FNBP1: variants seen among roughly 807,000 people sequenced by gnomAD.
FNBP1 encodes formin binding protein 1.
A neutral mutation model predicts 90.6 loss-of-function variants in FNBP1; 26 were observed. The observed-to-expected ratio is 0.29, with a 90% confidence interval of 0.21 to 0.40. The LOEUF (loss-of-function observed/expected upper bound fraction) is 0.40, where lower values mean the gene tolerates loss of function less well. Among genes scored for constraint, FNBP1 ranks in the 10% least tolerant of loss-of-function variants. The pLI, the probability that FNBP1 is intolerant of heterozygous loss-of-function variation, is 1.00. For missense variants in FNBP1, 635 were observed against 768.0 expected (o/e 0.83, Z 2.05); for synonymous variants, 260 against 265.2 (o/e 0.98, Z 0.19).
In FNBP1 at chr9:129,887,566, A is replaced by C. The variant is rs1292410924; in HGVS notation, c.*2973T>G. On this transcript the variant is annotated 3_prime_UTR_variant, in exon 17 of 17. Coordinates refer to ENST00000446176, the MANE Select transcript of FNBP1 (RefSeq NM_015033.3). ...ACTTTCTTCTGCAATGACGGATGTT[A>C]CCAAAAGGCATCGAGACCTTTGCGC... 2 of 213,766 alleles carry C rather than the reference A, an allele frequency of 9.4e-6. No homozygotes were observed. The highest frequency in any genetic ancestry group is 1.4e-4 in the East Asian group (2 of 14,358). The allele number at this position is 213,766 out of a possible 1,614,324, so 13.2% of individuals were successfully genotyped here. A position where few individuals can be genotyped will look rare whatever the true frequency, so the allele number is the denominator to read the frequency against.
In FNBP1 at chr9:129,889,081, CGG is replaced by C. The variant is rs753987401; in HGVS notation, c.*1456_*1457del. ...GGGGCTGCTCTGCTCTAAGGCGTGG[CGG>C]GGGGGGGGGGTGGTGGCCACAGATT... On this transcript the variant is annotated 3_prime_UTR_variant, in exon 17 of 17. Coordinates refer to ENST00000446176, the MANE Select transcript of FNBP1 (RefSeq NM_015033.3). 11,615 of 40,582 alleles carry C rather than the reference CGG, an allele frequency of 0.29. 1,238 individuals are homozygous for C. The highest frequency in any genetic ancestry group is 0.48 in the African/African-American group (8,827 of 18,572). 2.5% of individuals were successfully genotyped at this position (40,582 alleles called of 1,614,324 possible).
intron 4 of FNBP1, among the ~76,000 whole-genome samples, chr9:129,962,474 C>T (rs2047977123): frequency 6.6e-6 from 1 of 152,174 alleles, no homozygotes; most frequent in Non-Finnish European, 1.5e-5. Flanking sequence ...CTAGGTAGAG[C>T]CTCGGAGCTT....
At chr9:129,935,664 T>C (rs1564373064) in intron 6 of FNBP1, among the ~76,000 whole-genome samples, 1 of 152,030 alleles carries the variant, frequency 6.6e-6, no homozygotes. Context: ...ATTTTTTGTA[T>C]TTTTAGTAGA....
intron 6 of FNBP1, among the ~76,000 whole-genome samples, chr9:129,951,717 T>A (rs576444619): frequency 3.0e-4 from 46 of 151,614 alleles, no homozygotes; most frequent in African/African-American, 1.1e-3. Context: ...AGGGCTGGGA[T>A]TACAGGCATG....
chr9:129,931,335 G>T (rs2042703314), intron 6 of FNBP1, among the ~76,000 whole-genome samples: 1 of 151,936 alleles, frequency 6.6e-6, no homozygotes, highest in South Asian at 2.1e-4. Context: ...TGGGCGCGGT[G>T]GCTCACGCCT....
chr9:130,020,340 G>A (rs1483032444), intron 1 of FNBP1, among the ~76,000 whole-genome samples: 2 of 152,074 alleles, frequency 1.3e-5, no homozygotes, highest in Admixed American at 1.3e-4. Flanking sequence ...CTCCCAAGTA[G>A]CTGGGATTAC....
At chr9:129,961,638 GT>G (rs1489861035) in intron 4 of FNBP1, among the ~76,000 whole-genome samples, 1 of 152,076 alleles carries the variant, frequency 6.6e-6, no homozygotes, top group East Asian at 1.9e-4. Flanking sequence ...CGTGATCTCG[GT>G]TCACTGAGAC....
Position 129,889,319 on chromosome 9 carries a change from C to G in FNBP1, c.*1220G>C, listed in dbSNP as rs1447889217. 3 of 183,074 alleles carry G rather than the reference C, an allele frequency of 1.6e-5. No homozygotes were observed. The highest frequency in any genetic ancestry group is 3.5e-5 in the Non-Finnish European group (3 of 85,884). The allele number at this position is 183,074 out of a possible 1,614,324, so 11.3% of individuals were successfully genotyped here. ...GTGCGGTAGCTCACACCTGTAATCT[C>G]AGCACTTTGGGAGGCTGAGGCGGGC... On this transcript the variant is annotated 3_prime_UTR_variant, in exon 17 of 17. Transcript: ENST00000446176.
At chr9:129,953,868 T>C (rs1051905213) in intron 6 of FNBP1, among the ~76,000 whole-genome samples, 2 of 151,364 alleles carry the variant, frequency 1.3e-5, no homozygotes, top group Middle Eastern at 3.2e-3. Flanking sequence ...AAAATAAAAA[T>C]AGAAAAGGGA....
intron 6 of FNBP1, among the ~76,000 whole-genome samples, chr9:129,954,943 G>A (rs1215835857): frequency 6.6e-6 from 1 of 151,898 alleles, no homozygotes; most frequent in African/African-American, 2.4e-5. Context: ...GCAATGAACC[G>A]AGATTGCGCT....
chr9:130,043,314 G>C (rs1199250260), upstream of FNBP1: 17 of 191,866 alleles, frequency 8.9e-5, no homozygotes, highest in South Asian at 7.7e-4. Context: ...CCCCTCCCCC[G>C]GGCTCCCCCG....
At chr9:129,922,974 G>C (rs1262993810) in intron 10 of FNBP1, among the ~76,000 whole-genome samples, 1 of 151,802 alleles carries the variant, frequency 6.6e-6, no homozygotes, top group East Asian at 1.9e-4. Flanking sequence ...TCCTGCCTCG[G>C]CCTTCCAAAG....
At chr9:130,004,430 T>G (rs555244772) in intron 1 of FNBP1, among the ~76,000 whole-genome samples, 74 of 152,178 alleles carry the variant, frequency 4.9e-4, no homozygotes, top group Non-Finnish European at 8.7e-4. Context: ...CTGCAGTGAA[T>G]TATTCACCCA....
At chr9:129,947,984 T>A (rs112436649) in intron 6 of FNBP1, among the ~76,000 whole-genome samples, 16,779 of 134,962 alleles carry the variant, frequency 0.12, 991 homozygotes, top group Middle Eastern at 0.15. Context: ...CCCTTAAATT[T>A]AAAAAAAAAA....
chr9:130,018,984 G>A (rs2057535990), intron 1 of FNBP1, among the ~76,000 whole-genome samples: 1 of 152,118 alleles, frequency 6.6e-6, no homozygotes, highest in South Asian at 2.1e-4. Context: ...CAGCACTTTG[G>A]GAAGCCGAGG....
upstream of FNBP1, among the ~76,000 whole-genome samples, chr9:130,046,732 C>G (rs1436360879): frequency 6.9e-6 from 1 of 143,952 alleles, no homozygotes; most frequent in Non-Finnish European, 1.5e-5. Flanking sequence ...CGCGCCACTA[C>G]ACTCCAGCCA....
chr9:129,961,088 G>A (rs1273447827), intron 4 of FNBP1, among the ~76,000 whole-genome samples: 1 of 151,954 alleles, frequency 6.6e-6, no homozygotes, highest in Non-Finnish European at 1.5e-5. Context: ...CAAGGTGGGC[G>A]AACCACCAAA....
At chr9:129,968,288 G>A (rs897985488) in intron 4 of FNBP1, among the ~76,000 whole-genome samples, 4 of 151,834 alleles carry the variant, frequency 2.6e-5, no homozygotes, top group Admixed American at 1.3e-4. Context: ...CCAGCTATGG[G>A]GGAGGCTGAG....
chr9:129,904,705 C>T (rs1489440370), intron 12 of FNBP1, among the ~76,000 whole-genome samples: 2 of 152,148 alleles, frequency 1.3e-5, no homozygotes, highest in African/African-American at 2.4e-5. Context: ...TCCTTCCTAT[C>T]TTCCTTATTT....
Sources: gnomAD v4.1 joint callset for allele counts (sites outside exome capture counted in the v4.1 genomes callset) on GRCh38, gnomAD v4.1.1 for gene constraint, MANE v1.5 for transcripts, NCBI Gene and HGNC (gene_info 2026-07-23, HGNC 2026-07-21) for gene names.